The following LRP1B variants were observed in gnomAD, a reference collection of about 807,000 sequenced individuals.
LRP1B encodes LDL receptor related protein 1B, also known as low-density lipoprotein receptor-related protein 1B.
In LRP1B, 217 loss-of-function variants were observed where a neutral mutation model predicts 556.6. The ratio of observed to expected loss-of-function variants is 0.39; its 90% CI spans 0.35 to 0.44. The LOEUF (loss-of-function observed/expected upper bound fraction) is 0.44, where lower values mean the gene tolerates loss of function less well. LRP1B is among the 20% of genes least tolerant of loss of function. The pLI is 1.00. For synonymous variants in LRP1B, 2,047 were observed against 1,865.8 expected (o/e 1.10, Z -2.50); for missense variants, 5,053 against 5,620.8 (o/e 0.90, Z 3.23).
chr2:141,887,304 T>C (rs1367986632), intron 1 of LRP1B, among the ~76,000 whole-genome samples: 2 of 152,288 alleles, frequency 1.3e-5, no homozygotes, highest in African/African-American at 4.8e-5. Flanking sequence ...CCCGGAATGG[T>C]TGATTTTTGT....
intron 3 of LRP1B, among the ~76,000 whole-genome samples, chr2:141,260,445 T>A (rs1477589532): frequency 1.3e-5 from 2 of 152,298 alleles, no homozygotes; most frequent in East Asian, 3.9e-4. Context: ...AAATAAATCA[T>A]GCTGACCTTC....
intron 2 of LRP1B, among the ~76,000 whole-genome samples, chr2:141,770,386 G>A (rs180912521): frequency 4.7e-4 from 71 of 152,232 alleles, no homozygotes; most frequent in African/African-American, 1.7e-3. Flanking sequence ...GCTGAGACAT[G>A]AGAATATTTC....
At chr2:142,104,298 A>C (rs1562704) in intron 1 of LRP1B, among the ~76,000 whole-genome samples, 133,539 of 152,024 alleles carry the variant, frequency 0.88, 58,782 homozygotes, top group East Asian at 0.94. Context: ...TATAAAATCC[A>C]TCTTCCACTT....
chr2:141,074,922 T>C (rs1039132799), intron 7 of LRP1B, among the ~76,000 whole-genome samples: 1 of 152,172 alleles, frequency 6.6e-6, no homozygotes, highest in Non-Finnish European at 1.5e-5. Context: ...GAGTAGTGAT[T>C]AGTTCAGGGT....
At chr2:140,683,703 G>T in intron 41 of LRP1B, 1 of 727,150 alleles carries the variant, frequency 1.4e-6, no homozygotes. Flanking sequence ...GGGCTGGACT[G>T]TCATTAGAGA....
chr2:141,685,345 G>C (rs999203801), intron 2 of LRP1B, among the ~76,000 whole-genome samples: 2 of 152,034 alleles, frequency 1.3e-5, no homozygotes, highest in Admixed American at 1.3e-4. Flanking sequence ...ATTTAGATGA[G>C]ATTTTGGACT....
chr2:140,638,360 C>T (rs16844367), intron 41 of LRP1B, among the ~76,000 whole-genome samples: 6,669 of 152,178 alleles, frequency 0.044, 180 homozygotes, highest in Middle Eastern at 0.065. Flanking sequence ...GACTTTCTTA[C>T]CCCCAATTTA....
At chr2:140,987,980 GA>G (rs1447844457) in intron 17 of LRP1B, among the ~76,000 whole-genome samples, 1 of 151,264 alleles carries the variant, frequency 6.6e-6, no homozygotes, top group South Asian at 2.1e-4. Flanking sequence ...CAAGACTGTC[GA>G]AAAAAAAGAA....
chr2:142,121,763 C>T (rs369551221), intron 1 of LRP1B, among the ~76,000 whole-genome samples: 1 of 152,104 alleles, frequency 6.6e-6, no homozygotes, highest in African/African-American at 2.4e-5. Flanking sequence ...ACATTGTCTA[C>T]CTTGTTCACT....
chr2:141,639,143 A>G (rs1183155279), intron 2 of LRP1B, among the ~76,000 whole-genome samples: 1 of 135,202 alleles, frequency 7.4e-6, no homozygotes, highest in Non-Finnish European at 1.6e-5. Context: ...CACAAAAAAA[A>G]GTTACCAAAT....
intron 7 of LRP1B, among the ~76,000 whole-genome samples, chr2:141,107,831 T>C (rs1700644660): frequency 6.6e-6 from 1 of 152,150 alleles, no homozygotes; most frequent in Admixed American, 6.6e-5. Flanking sequence ...CACAGTTTTA[T>C]TTAACAATTC....
chr2:140,730,257 T>C (rs1011556090), intron 35 of LRP1B, among the ~76,000 whole-genome samples: 1 of 152,334 alleles, frequency 6.6e-6, no homozygotes, highest in South Asian at 2.1e-4. Flanking sequence ...CAGGATAATA[T>C]AGCTGTAAGA....
At chr2:140,522,024 G>A (rs750744231) in intron 49 of LRP1B, among the ~76,000 whole-genome samples, 16 of 151,884 alleles carry the variant, frequency 1.1e-4, no homozygotes, top group Non-Finnish European at 1.3e-4. Context: ...GACATCATTC[G>A]GTCAATGAGG....
At chr2:141,633,591 TA>T (rs1477703173) in intron 2 of LRP1B, among the ~76,000 whole-genome samples, 4 of 152,118 alleles carry the variant, frequency 2.6e-5, no homozygotes, top group Non-Finnish European at 2.9e-5. Flanking sequence ...TTTCTATGCT[TA>T]TTTTTTATTG....
chr2:141,601,202 GTATCTATCTATCTATCTATC>G (rs4008441), intron 2 of LRP1B, among the ~76,000 whole-genome samples: 1 of 148,826 alleles, frequency 6.7e-6, no homozygotes, highest in East Asian at 2.0e-4. Flanking sequence ...CTGTCTGTCA[GTATCTATCTATCTATCTATC>G]TATCTATCTA....
At chr2:142,081,863 C>T (rs151045291) in intron 1 of LRP1B, among the ~76,000 whole-genome samples, 1,754 of 152,202 alleles carry the variant, frequency 0.012, 14 homozygotes, top group Non-Finnish European at 0.019. Context: ...ATCCTTATAA[C>T]TATTTTGTGA....
rs891389910 is a variant in LRP1B, at chr2:141,818,644, C to T, written c.83-8243G>A. On this transcript the variant is annotated intron_variant, in intron 1 of 90. Coordinates refer to ENST00000389484, the MANE Select transcript of LRP1B (RefSeq NM_018557.3). Reference sequence around the variant, plus strand: ...CTCTGCCTCCCAGGTTCACTCCATTCTCCTGCCTCAGCCTCCCGAGTAGCT... The same window carrying T: ...CTCTGCCTCCCAGGTTCACTCCATTTTCCTGCCTCAGCCTCCCGAGTAGCT... Among the ~76,000 whole-genome samples the T allele has an allele frequency of 1.5e-4, 21 of 138,416 alleles. 1 individual carries two copies. Among genetic ancestry groups the T allele is most frequent in the Non-Finnish European group, 2.6e-4 (17 of 66,056 alleles). The allele number at this position is 138,416 out of a possible 152,430, so 90.8% of individuals were successfully genotyped here.
At chr2:140,449,555 T>C (rs571426821) in intron 63 of LRP1B, among the ~76,000 whole-genome samples, 2 of 152,282 alleles carry the variant, frequency 1.3e-5, no homozygotes, top group Admixed American at 6.5e-5. Flanking sequence ...ATGACTTTTA[T>C]AACATTTTTC....
intron 1 of LRP1B, among the ~76,000 whole-genome samples, chr2:142,113,234 C>T (rs1418780255): frequency 2.0e-5 from 3 of 151,980 alleles, no homozygotes; most frequent in Admixed American, 2.0e-4. Context: ...AGCCATAATG[C>T]CTTTCAGAAG....
Sources: gnomAD v4.1 joint callset for allele counts (sites outside exome capture counted in the v4.1 genomes callset) on GRCh38, gnomAD v4.1.1 for gene constraint, MANE v1.5 for transcripts, NCBI Gene and HGNC (gene_info 2026-07-23, HGNC 2026-07-21) for gene names.